ACP7: variants seen among roughly 807,000 people sequenced by gnomAD.
The protein encoded by ACP7 is acid phosphatase 7, tartrate resistant (putative), also known as acid phosphatase type 7.
A neutral mutation model predicts 60.6 loss-of-function variants in ACP7; 58 were observed. The observed-to-expected ratio is 0.96, with a 90% CI of 0.77 to 1.19. The LOEUF (loss-of-function observed/expected upper bound fraction) is 1.19. Ranked by LOEUF, ACP7 falls within the 50% of genes most tolerant of loss-of-function variation. The pLI, the probability that ACP7 is intolerant of heterozygous loss-of-function variation, is 0.00. For missense variants in ACP7, 574 were observed against 596.2 expected (o/e 0.96, Z 0.39); for synonymous variants, 237 against 232.6 (o/e 1.02, Z -0.17).
At chr19:39,092,852 A>G (rs1433139142) in intron 2 of ACP7, among the ~76,000 whole-genome samples, 3 of 137,098 alleles carry the variant, frequency 2.2e-5, no homozygotes, top group African/African-American at 5.5e-5. Context: ...ATCTCGGCTC[A>G]CTGCAACCTT....
Position 39,101,534 on chromosome 19 carries a change from T to A in ACP7, c.1110T>A (p.Ser370=). 6.2e-7 allele frequency: 1 copy of A among 1,613,886 alleles called. No homozygotes were observed. Among genetic ancestry groups the A allele is most frequent in the Middle Eastern group, 1.7e-4 (1 of 6,060 alleles). The change falls in exon 11 of 13, where the codon TCT becomes TCA. Residue 370 remains serine, a synonymous_variant. Transcript: ENST00000331256. The part of the protein sequence containing the change: ...PRGPVHIITG[S]AGCEERLTPF... ...GGCCTGTCCACATCATCACAGGATC[T>A]GCTGTGAGCAGGGGGAAGGGTGGCT...
Position 39,098,619 on chromosome 19 carries a change from C to T in ACP7, c.283C>T (p.Arg95Ter). ...GILRRKLYIH[R>*]VTLRKLLPGV... is the part of the protein sequence containing the mutation. ...TCTCCGGCGGAAGCTCTACATACAC[C>T]GAGTCACGCTTCGCAAGCTGCTGCC... The change falls in exon 3 of 13, where the codon CGA becomes TGA. Residue 95 changes from arginine (R) to a stop codon, truncating the protein, a stop_gained. Transcript: ENST00000331256. LOFTEE classifies it high-confidence loss of function. The T allele has an allele frequency of 6.2e-7, 1 of 1,613,306 alleles. No individual in the cohort carries two copies. The highest frequency in any genetic ancestry group is 8.5e-7 in the Non-Finnish European group (1 of 1,179,606).
At chr19:39,104,329 C>T (rs541411046) in intron 11 of ACP7, among the ~76,000 whole-genome samples, 22 of 152,032 alleles carry the variant, frequency 1.4e-4, no homozygotes, top group African/African-American at 3.6e-4. Flanking sequence ...GCACTTAGAT[C>T]GTGGGTCATG....
At chr19:39,096,737 G>T (rs538631515) in intron 2 of ACP7, among the ~76,000 whole-genome samples, 2 of 152,204 alleles carry the variant, frequency 1.3e-5, no homozygotes, top group African/African-American at 2.4e-5. Context: ...TGGACTTACA[G>T]TTCCATATGG....
chr19:39,101,871 C>T (rs375966502), intron 11 of ACP7, among the ~76,000 whole-genome samples: 3 of 147,608 alleles, frequency 2.0e-5, no homozygotes, highest in South Asian at 4.2e-4. Flanking sequence ...TTTGGGAGGC[C>T]GAGTCTGGAG....
At chr19:39,101,818 A>G (rs374183821) in intron 11 of ACP7, among the ~76,000 whole-genome samples, 1 of 151,790 alleles carries the variant, frequency 6.6e-6, no homozygotes, top group African/African-American at 2.4e-5. Context: ...AATAACTACC[A>G]TGGAGGTCCA....
intron 11 of ACP7, among the ~76,000 whole-genome samples, chr19:39,101,873 A>C (rs1308232115): frequency 4.0e-5 from 6 of 149,234 alleles, no homozygotes; most frequent in African/African-American, 1.5e-4. Context: ...TGGGAGGCCG[A>C]GTCTGGAGGA....
At chr19:39,084,129 C>T (rs1201525157), upstream of ACP7, among the ~76,000 whole-genome samples, 1 of 152,158 alleles carries the variant, frequency 6.6e-6, no homozygotes, top group Non-Finnish European at 1.5e-5. Flanking sequence ...AGGTGGCGCG[C>T]CGGAGACGTA....
At chr19:39,103,129 T>C (rs56106909) in intron 11 of ACP7, among the ~76,000 whole-genome samples, 33,838 of 152,066 alleles carry the variant, frequency 0.22, 4,286 homozygotes, top group East Asian at 0.39. Context: ...AGAGCCACTG[T>C]GCCCGGCCTT....
chr19:39,101,324 A>C lies in ACP7; in HGVS notation c.1010A>C (p.Tyr337Ser), dbSNP rs769852473. Residue 337 changes from tyrosine (Y) to serine (S), a missense_variant, in exon 10 of 13, where the codon TAT (tyrosine) becomes TCT (serine). Tyr to Ser is a moderately radical substitution (Grantham distance 144). Transcript: ENST00000331256. Reference protein sequence around the residue: ...DLQLWAHEHSYERLWPIYNYQ... With the variant: ...DLQLWAHEHSSERLWPIYNYQ... ...CAGCTGTGGGCTCATGAGCACTCGTATGAACGACTGTGGCCAATTTACAAC... is the reference window on the plus strand; with the variant it reads ...CAGCTGTGGGCTCATGAGCACTCGTCTGAACGACTGTGGCCAATTTACAAC... 6.2e-7 allele frequency: 1 copy of C among 1,614,186 alleles called. No individual in the cohort carries two copies. The highest frequency in any genetic ancestry group is 8.5e-7 in the Non-Finnish European group (1 of 1,180,038).
At position 39,085,246 on chromosome 19, in the gene ACP7, G is replaced by A; in HGVS notation, c.-24G>A. 2 of 1,604,508 alleles carry A rather than the reference G, an allele frequency of 1.2e-6. No individual in the cohort carries two copies. On this transcript the variant is annotated 5_prime_UTR_variant, in exon 2 of 13. Coordinates refer to ENST00000331256, the MANE Select transcript of ACP7 (RefSeq NM_001004318.3). ...TCCTCAGTCCCCCTGCTTTTCCCCG[G>A]TCTGCCATCACCACCCCACCACCAT...
At chr19:39,096,325 C>T (rs929428328) in intron 2 of ACP7, among the ~76,000 whole-genome samples, 2 of 151,792 alleles carry the variant, frequency 1.3e-5, no homozygotes. Flanking sequence ...TCATCTCTCT[C>T]AAGTTCAAAG....
intron 11 of ACP7, among the ~76,000 whole-genome samples, chr19:39,104,381 T>C (rs913637844): frequency 3.9e-5 from 6 of 152,076 alleles, no homozygotes; most frequent in East Asian, 3.9e-4. Context: ...GAATTACCTA[T>C]GGAGCTTTCA....
At position 39,101,284 on chromosome 19, in the gene ACP7, TC is replaced by T; in HGVS notation, c.974-3del. 1 of 1,614,112 alleles carries T rather than the reference TC, an allele frequency of 6.2e-7. No individual in the cohort carries two copies. Among genetic ancestry groups the T allele is most frequent in the Non-Finnish European group, 8.5e-7 (1 of 1,180,022 alleles). On this transcript the variant is annotated splice_polypyrimidine_tract_variant and splice_region_variant and intron_variant, in intron 9 of 12. Coordinates refer to ENST00000331256, the MANE Select transcript of ACP7 (RefSeq NM_001004318.3). The stretch of plus-strand genomic sequence containing the variant: ...AGGTCTGATCCCCGCTTGCTCTATC[TC>T]AGGAGTGGATCTGCAGCTGTGGGCT...
chr19:39,086,051 TG>T (rs1211057302), intron 2 of ACP7, among the ~76,000 whole-genome samples: 1 of 152,034 alleles, frequency 6.6e-6, no homozygotes, highest in Non-Finnish European at 1.5e-5. Flanking sequence ...AGGCTGAGTG[TG>T]GGGGCTCACA....
chr19:39,086,564 AG>A (rs2073143684), intron 2 of ACP7, among the ~76,000 whole-genome samples: 1 of 144,668 alleles, frequency 6.9e-6, no homozygotes, highest in African/African-American at 2.5e-5. Flanking sequence ...CAGGAGGCAA[AG>A]GTTGCAATGA....
intron 2 of ACP7, among the ~76,000 whole-genome samples, chr19:39,094,374 G>A (rs572397788): frequency 6.6e-5 from 10 of 151,892 alleles, no homozygotes; most frequent in Admixed American, 2.0e-4. Context: ...ATGGTGGCAC[G>A]CACCTGTAAT....
chr19:39,091,101 G>GTAT (rs2073198892), intron 2 of ACP7, among the ~76,000 whole-genome samples: 1 of 150,810 alleles, frequency 6.6e-6, no homozygotes, highest in Non-Finnish European at 1.5e-5. Context: ...CTCCTCTTGT[G>GTAT]TATTTCCTGT....
At chr19:39,108,475 CT>C (rs1165581058) in intron 12 of ACP7, among the ~76,000 whole-genome samples, 1 of 152,054 alleles carries the variant, frequency 6.6e-6, no homozygotes, top group Non-Finnish European at 1.5e-5. Context: ...GTTTTCCCAT[CT>C]GTGAGAGGGG....
Sources: allele counts gnomAD v4.1 joint callset (sites outside exome capture counted in the v4.1 genomes callset), GRCh38; gene constraint gnomAD v4.1.1; transcripts MANE v1.5; gene names NCBI Gene and HGNC (gene_info 2026-07-23, HGNC 2026-07-21).